Variants in CD36 observed in about 807,000 individuals in gnomAD.
The protein encoded by CD36 is CD36 molecule (CD36 blood group).
A neutral mutation model predicts 55.2 loss-of-function variants in CD36; 119 were observed. The observed-to-expected ratio is 2.15, with a 90% confidence interval of 1.86 to 2.51. CD36 has a LOEUF of 2.51. CD36 is among the 30% of genes most tolerant of loss of function. The pLI, the probability that CD36 is intolerant of heterozygous loss-of-function variation, is 0.00. For synonymous variants in CD36, 186 were observed against 193.6 expected, an observed-to-expected ratio of 0.96 and a Z score of 0.33; for missense variants, 819 against 555.5, an observed-to-expected ratio of 1.47 and a Z score of -4.77.
intron 11 of CD36, 77 bp from the exon 12 acceptor site, chr7:80,672,693 T>C (rs1226732557): frequency 1.0e-6 from 1 of 976,340 alleles, no homozygotes; most frequent in Admixed American, 2.0e-5. Context: ...TCTCTTCTGC[T>C]GTAAGAAAAA....
intron 1 of CD36, among the ~76,000 whole-genome samples, chr7:80,611,982 G>GAATT (rs1792900518): frequency 6.6e-6 from 1 of 152,176 alleles, no homozygotes. Flanking sequence ...AATGCTCTAT[G>GAATT]AATTGTTTGT....
Position 80,663,002 on chromosome 7 carries a change from A to G in CD36, c.442A>G (p.Ile148Val), listed in dbSNP as rs35398731. ...LNLAVAAASH[I>V]YQNQFVQMIL... ...TTTGTTTTTGTAGGCTGCATCCCAT[A>G]TCTATCAAAATCAATTTGTTCAAAT... The change falls in exon 6 of 15, where the codon ATC (isoleucine) becomes GTC (valine). Residue 148 changes from isoleucine (I) to valine (V), a missense_variant. Ile to Val is a conservative substitution (Grantham distance 29). Transcript: ENST00000447544. 64 of 1,612,352 alleles carry G rather than the reference A, an allele frequency of 4.0e-5. No individual in the cohort carries two copies. The highest frequency in any genetic ancestry group is 1.7e-4 in the Middle Eastern group (1 of 6,000).
In CD36 at chr7:80,671,949, ATTTTCTG is replaced by A. The variant is rs1797714965; in HGVS notation, c.1036_1042del (p.Phe346MetfsTer13). 6.8e-6 allele frequency: 11 copies of A among 1,611,408 alleles called. No homozygotes were observed. In the Middle Eastern group the frequency reaches 6.7e-4, roughly 98 times the overall value. On this transcript the variant is annotated frameshift_variant, in exon 11 of 15. Transcript: ENST00000447544. LOFTEE classifies it high-confidence loss of function. Reference sequence around the variant, plus strand: ...AGACCTGTGTACATTTCACTTCCTCATTTTCTGTATGCAAGTCCTGATGTTTCAGAAC... The same window carrying A: ...AGACCTGTGTACATTTCACTTCCTCATATGCAAGTCCTGATGTTTCAGAAC...
At chr7:80,643,797 C>T (rs1423936218) in intron 1 of CD36, among the ~76,000 whole-genome samples, 1 of 152,126 alleles carries the variant, frequency 6.6e-6, no homozygotes, top group Admixed American at 6.6e-5. Flanking sequence ...GGCTTGTCTG[C>T]TTTCATTTAG....
chr7:80,607,860 C>T (rs978924486), intron 1 of CD36, among the ~76,000 whole-genome samples: 2 of 152,132 alleles, frequency 1.3e-5, no homozygotes, highest in African/African-American at 4.8e-5. Flanking sequence ...CAACCTCCTC[C>T]TCCCAGGTTC....
chr7:80,624,731 A>T (rs545815625), intron 1 of CD36, among the ~76,000 whole-genome samples: 1 of 152,140 alleles, frequency 6.6e-6, no homozygotes, highest in East Asian at 1.9e-4. Flanking sequence ...ATACAGTAAT[A>T]CAATAGTAGG....
At chr7:80,676,079 G>A (rs893513056) in intron 14 of CD36, 1 of 152,078 alleles carries the variant, frequency 6.6e-6, no homozygotes, top group Non-Finnish European at 1.5e-5. Context: ...TAAAAAGTAT[G>A]ATATCTAAGA....
At chr7:80,651,377 C>G (rs923185090) in intron 3 of CD36, among the ~76,000 whole-genome samples, 1 of 151,976 alleles carries the variant, frequency 6.6e-6, no homozygotes. Flanking sequence ...ACATGTACCT[C>G]TGACCCTAAA....
intron 1 of CD36, among the ~76,000 whole-genome samples, chr7:80,609,668 T>C (rs1792764976): frequency 6.6e-6 from 1 of 152,196 alleles, no homozygotes; most frequent in Non-Finnish European, 1.5e-5. Flanking sequence ...TATTTGCCAA[T>C]GTAATTGGGG....
At chr7:80,641,684 A>C (rs1355305346) in intron 1 of CD36, among the ~76,000 whole-genome samples, 1 of 152,112 alleles carries the variant, frequency 6.6e-6, no homozygotes, top group African/African-American at 2.4e-5. Context: ...TTTACATCCC[A>C]GCAGATGTTA....
In CD36 at chr7:80,679,129, C is replaced by G. The variant is rs1463884766; in HGVS notation, c.*2746C>G. The G allele has an allele frequency of 6.6e-6, 1 of 152,048 alleles. No individual in the cohort carries two copies. Among genetic ancestry groups the G allele is most frequent in the African/African-American group, 2.4e-5 (1 of 41,412 alleles). 9.4% of individuals were successfully genotyped at this position (152,048 alleles called of 1,614,324 possible). The stretch of plus-strand genomic sequence containing the variant: ...CTTTTTTTTTCCTGAGCTATTTTCA[C>G]TGAGCTGAGCTAATGAACTAAAACT... On this transcript the variant is annotated 3_prime_UTR_variant, in exon 15 of 15. Coordinates refer to ENST00000447544, the MANE Select transcript of CD36 (RefSeq NM_001001548.3).
rs781503879 is a variant in CD36, at chr7:80,656,628, T to G, written c.209T>G (p.Val70Gly). Reference sequence around the variant, plus strand: ...TACAGACAGTTTTGGATCTTTGATGTGCAAAATCCACAGGAAGTGATGATG... The same window carrying G: ...TACAGACAGTTTTGGATCTTTGATGGGCAAAATCCACAGGAAGTGATGATG... ...EVYRQFWIFD[V>G]QNPQEVMMNS... Residue 70 changes from valine to glycine, a missense_variant, in exon 4 of 15, where the codon GTG (valine) becomes GGG (glycine). By Grantham distance (109) the Val-to-Gly change is moderately radical. Coordinates refer to ENST00000447544, the MANE Select transcript of CD36 (RefSeq NM_001001548.3). The G allele has an allele frequency of 6.2e-7, 1 of 1,613,874 alleles. No homozygotes were observed. Among genetic ancestry groups the G allele is most frequent in the Non-Finnish European group, 8.5e-7 (1 of 1,179,844 alleles).
intron 3 of CD36, among the ~76,000 whole-genome samples, chr7:80,652,429 A>T (rs1281337709): frequency 6.6e-6 from 1 of 152,178 alleles, no homozygotes; most frequent in Non-Finnish European, 1.5e-5. Context: ...GTTGATGATG[A>T]TGTTCTGAAA....
chr7:80,610,673 C>T (rs1365378601), intron 1 of CD36, among the ~76,000 whole-genome samples: 1 of 152,088 alleles, frequency 6.6e-6, no homozygotes, highest in African/African-American at 2.4e-5. Flanking sequence ...CTCCTGAGTT[C>T]AAGCGATTCT....
chr7:80,664,851 G>GT (rs1796891861), intron 7 of CD36, among the ~76,000 whole-genome samples: 1 of 41,950 alleles, frequency 2.4e-5, no homozygotes, highest in African/African-American at 4.9e-5. Context: ...AAATGAAAAG[G>GT]TAAAAAAAAA....
intron 7 of CD36, chr7:80,665,828 A>G (rs554057063): frequency 2.0e-5 from 3 of 152,250 alleles, no homozygotes; most frequent in East Asian, 3.9e-4. Context: ...AACTATTACT[A>G]TTGTTTTTAT....
In CD36 at chr7:80,664,497, G is replaced by T. The variant is rs753924527; in HGVS notation, c.701G>T (p.Arg234Met). 6.7e-7 allele frequency: 1 copy of T among 1,494,078 alleles called. No individual in the cohort carries two copies. 92.6% of individuals were successfully genotyped at this position (1,494,078 alleles called of 1,614,324 possible). The change falls in exon 7 of 15, where the codon AGG (arginine) becomes ATG (methionine). Residue 234 changes from arginine (R) to methionine (M), a missense_variant and splice_region_variant. Arg to Met is a moderately conservative substitution (Grantham distance 91, BLOSUM62 -1). Transcript: ENST00000447544. ...ATAATCGACACATATAAAGGTAAAA[G>T]GTAAGTATTCTGGTAAAATGTGCAT... Reference protein sequence around the residue: ...VAIIDTYKGKRNLSYWESHCD... With the variant: ...VAIIDTYKGKMNLSYWESHCD...
chr7:80,631,661 T>A (rs1187832596), intron 1 of CD36, among the ~76,000 whole-genome samples: 1 of 151,888 alleles, frequency 6.6e-6, no homozygotes, highest in Non-Finnish European at 1.5e-5. Flanking sequence ...CTAAGATATT[T>A]GTCTTATGTA....
rs754739281 is a variant in CD36, at chr7:80,646,767, C to T, written c.27C>T (p.Leu9=). The T allele has an allele frequency of 2.5e-6, 4 of 1,613,886 alleles. No individual in the cohort carries two copies. The highest frequency in any genetic ancestry group is 3.4e-6 in the Non-Finnish European group (4 of 1,179,950). The change falls in exon 3 of 15, where the codon CTC becomes CTT. Residue 9 remains leucine (L), a synonymous_variant. Transcript: ENST00000447544. ...TGGGCTGTGACCGGAACTGTGGGCT[C>T]ATCGCTGGGGCTGTCATTGGTGCTG... is the stretch of plus-strand genomic sequence containing the variant. MGCDRNCG[L]IAGAVIGAVL... is the part of the protein sequence containing the mutation.
Sources: allele counts gnomAD v4.1 joint callset (sites outside exome capture counted in the v4.1 genomes callset), GRCh38; gene constraint gnomAD v4.1.1; transcripts MANE v1.5; gene names NCBI Gene and HGNC (gene_info 2026-07-23, HGNC 2026-07-21).